The following F13A1 variants were observed in gnomAD, a reference collection of about 807,000 sequenced individuals.
The protein encoded by F13A1 is FSF, A subunit.
A neutral mutation model predicts 80.1 loss-of-function variants in F13A1; 47 were observed. The observed-to-expected ratio is 0.59, with a 90% CI of 0.46 to 0.75. The LOEUF (loss-of-function observed/expected upper bound fraction) is 0.75. Among genes scored for constraint, F13A1 ranks in the 30% least tolerant of loss-of-function variants. The probability of loss-of-function intolerance (pLI) is 0.00; values close to 1 mark genes in which losing one functional copy is unlikely to be tolerated. For synonymous variants in F13A1, 349 were observed against 344.9 expected (o/e 1.01, Z -0.13); for missense variants, 817 against 930.4 (o/e 0.88, Z 1.59).
At chr6:6,217,290 A>C (rs1162536121) in intron 8 of F13A1, among the ~76,000 whole-genome samples, 2 of 152,166 alleles carry the variant, frequency 1.3e-5, no homozygotes, top group Non-Finnish European at 2.9e-5. Context: ...AATGTCCACA[A>C]ATGATAGACT....
At chr6:6,287,622 C>T (rs1332068567) in intron 3 of F13A1, among the ~76,000 whole-genome samples, 1 of 152,108 alleles carries the variant, frequency 6.6e-6, no homozygotes, top group African/African-American at 2.4e-5. Context: ...ATCAGCGACT[C>T]TATTACCCTA....
chr6:6,244,941 G>A (rs1197719323), intron 6 of F13A1, among the ~76,000 whole-genome samples: 1 of 152,194 alleles, frequency 6.6e-6, no homozygotes, highest in Non-Finnish European at 1.5e-5. Flanking sequence ...CAGGTGAGAA[G>A]AGAGTGTTAC....
chr6:6,206,163 C>CTGTT (rs1281833751), intron 8 of F13A1, among the ~76,000 whole-genome samples: 1 of 152,170 alleles, frequency 6.6e-6, no homozygotes, highest in Admixed American at 6.5e-5. Context: ...ACCAAAGTTA[C>CTGTT]TGTTTTGCAT....
intron 10 of F13A1, among the ~76,000 whole-genome samples, chr6:6,182,489 T>A (rs1198077211): frequency 6.6e-6 from 1 of 152,166 alleles, no homozygotes; most frequent in East Asian, 1.9e-4. Context: ...TGGACTTCTT[T>A]TGGGCTAACT....
rs746335410 is a variant in F13A1, at chr6:6,250,225, A to G, written c.690+586T>C. On this transcript the variant is annotated intron_variant, in intron 5 of 14. Transcript: ENST00000264870. This position sits in a 1 kb window ranked among gnomAD's most constrained non-coding sequence, Gnocchi z 4.2. ...TGGTAAAATATCATTCATTTGCTCC[A>G]TTGTTAAAGATACCAAACTGAAATA... 2.6e-5 allele frequency among the ~76,000 whole-genome samples: 4 copies of G among 152,214 alleles called. No individual in the cohort carries two copies. Among genetic ancestry groups the G allele is most frequent in the African/African-American group, 4.8e-5 (2 of 41,460 alleles).
chr6:6,268,459 T>C (rs373790120), intron 3 of F13A1, among the ~76,000 whole-genome samples: 3 of 152,344 alleles, frequency 2.0e-5, no homozygotes, highest in African/African-American at 7.2e-5. Context: ...TTCTAAGCTC[T>C]ATGGCAGCTG....
At chr6:6,146,273 A>T (rs1455097925) in intron 14 of F13A1, among the ~76,000 whole-genome samples, 3 of 152,218 alleles carry the variant, frequency 2.0e-5, no homozygotes, top group Non-Finnish European at 4.4e-5. Flanking sequence ...CAGGCTCAGC[A>T]TCTGGAATAT....
chr6:6,184,458 G>A (rs750276330), intron 10 of F13A1, among the ~76,000 whole-genome samples: 3 of 152,218 alleles, frequency 2.0e-5, no homozygotes, highest in Non-Finnish European at 2.9e-5. Context: ...CAGAACTCAG[G>A]GGTGCTAGCC....
At chr6:6,163,175 C>T (rs762734100) in intron 13 of F13A1, among the ~76,000 whole-genome samples, 3 of 152,154 alleles carry the variant, frequency 2.0e-5, no homozygotes, top group Non-Finnish European at 4.4e-5. Context: ...AACCTTGAGG[C>T]TCAGTCAGTT....
intron 13 of F13A1, among the ~76,000 whole-genome samples, chr6:6,155,748 G>A (rs564715512): frequency 1.3e-5 from 2 of 152,250 alleles, no homozygotes; most frequent in Admixed American, 1.3e-4. Context: ...CACGTTATGT[G>A]TTGATTTCAG....
rs983461176 is a variant in F13A1 at position 6,250,909 on chromosome 6, T to G, written c.592A>C (p.Asn198His). Reference sequence around the variant, plus strand: ...ACATACTCTTCTCTTTCTTTCTCATTGTCCAGATACACAGCATCATCTGCA... The same window carrying G: ...ACATACTCTTCTCTTTCTTTCTCATGGTCCAGATACACAGCATCATCTGCA... The part of the protein sequence containing the change: ...WCEDDAVYLD[N>H]EKEREEYVLN... The change falls in exon 5 of 15, where the codon AAT becomes CAT. Residue 198 changes from asparagine (N) to histidine (H), a missense_variant. Asn to His is a moderately conservative substitution (Grantham distance 68). Coordinates refer to ENST00000264870, the MANE Select transcript of F13A1 (RefSeq NM_000129.4). The surrounding 1 kb of genome is among the most constrained non-coding windows in gnomAD (Gnocchi z 4.2). 1.9e-6 allele frequency: 3 copies of G among 1,611,964 alleles called. No individual in the cohort carries two copies. In the African/African-American group the frequency reaches 4.0e-5, roughly 22 times the overall value.
intron 3 of F13A1, among the ~76,000 whole-genome samples, chr6:6,296,639 C>A (rs1415378888): frequency 1.3e-4 from 19 of 149,666 alleles, no homozygotes; most frequent in Admixed American, 1.3e-3. Flanking sequence ...GCTTAAGGAG[C>A]TTTTGGGCTG....
chr6:6,276,443 G>T (rs1757988831), intron 3 of F13A1, among the ~76,000 whole-genome samples: 1 of 152,166 alleles, frequency 6.6e-6, no homozygotes, highest in African/African-American at 2.4e-5. Flanking sequence ...GCCTCACCAT[G>T]TCGTTTGTTT....
At chr6:6,148,054 C>G (rs1370214481) in intron 14 of F13A1, among the ~76,000 whole-genome samples, 1 of 152,118 alleles carries the variant, frequency 6.6e-6, no homozygotes, top group Non-Finnish European at 1.5e-5. Context: ...TAGCTTCTGT[C>G]CTATTTGAGA....
intron 6 of F13A1, among the ~76,000 whole-genome samples, chr6:6,226,492 A>G (rs1757277513): frequency 6.6e-6 from 1 of 152,246 alleles, no homozygotes. Context: ...TGTTTTGATT[A>G]TGAAAATCAC....
At chr6:6,221,069 T>C (rs1214605618) in intron 8 of F13A1, among the ~76,000 whole-genome samples, 1 of 152,226 alleles carries the variant, frequency 6.6e-6, no homozygotes, top group Non-Finnish European at 1.5e-5. Context: ...TGTTTTAGCT[T>C]TATTATTTGT....
At chr6:6,289,168 A>G (rs1429380938) in intron 3 of F13A1, among the ~76,000 whole-genome samples, 1 of 152,210 alleles carries the variant, frequency 6.6e-6, no homozygotes, top group Non-Finnish European at 1.5e-5. Flanking sequence ...GCAGGTGAGG[A>G]AACAGTAATG....
intron 6 of F13A1, among the ~76,000 whole-genome samples, chr6:6,240,597 C>A (rs1757471978): frequency 6.6e-6 from 1 of 152,190 alleles, no homozygotes; most frequent in Non-Finnish European, 1.5e-5. Flanking sequence ...GCCTCAGTCT[C>A]TCCACCTGCA....
intron 4 of F13A1, among the ~76,000 whole-genome samples, chr6:6,262,383 C>T (rs1443297828): frequency 6.6e-6 from 1 of 152,230 alleles, no homozygotes; most frequent in Non-Finnish European, 1.5e-5. Flanking sequence ...GTTGTTGTTG[C>T]CAACATTGAA....
Sources: gnomAD v4.1 joint callset for allele counts (sites outside exome capture counted in the v4.1 genomes callset) on GRCh38, gnomAD v4.1.1 for gene constraint, Gnocchi (gnomAD v3.1) non-coding constraint, MANE v1.5 for transcripts, NCBI Gene and HGNC (gene_info 2026-07-23, HGNC 2026-07-21) for gene names.